The following SLC25A29 variants were observed in gnomAD, a reference collection of about 807,000 sequenced individuals.
The protein encoded by SLC25A29 is solute carrier family 25 member 29, also known as mitochondrial basic amino acids transporter.
Under a neutral mutation model 10.0 loss-of-function variants are expected in SLC25A29, and 13 were observed. That is an observed-to-expected ratio of 1.30 (90% CI 0.85 to 2.07). SLC25A29 has a LOEUF of 2.07. Among genes scored for constraint, SLC25A29 ranks in the 30% most tolerant of loss-of-function variants. The pLI is 0.00. For synonymous variants in SLC25A29, 244 were observed against 221.1 expected (o/e 1.10, Z -0.92); for missense variants, 475 against 447.6 (o/e 1.06, Z -0.55).
rs545727501 is a variant in SLC25A29, at chr14:100,304,521, C to G, written c.34+1678G>C. On this transcript the variant is annotated intron_variant, in intron 1 of 3. Transcript: ENST00000359232. ...CAGGCTTACGCTTGTAGAGCCTTAG[C>G]TGGGTGGCCATTATGTGCCTGGGGG... Among the ~76,000 whole-genome samples, 3 of 152,322 alleles carry G rather than the reference C, an allele frequency of 2.0e-5. No individual in the cohort carries two copies. In the South Asian group the frequency reaches 6.2e-4, roughly 32 times the overall value.
intron 1 of SLC25A29, among the ~76,000 whole-genome samples, chr14:100,303,452 C>T (rs568963772): frequency 1.3e-5 from 2 of 152,362 alleles, no homozygotes; most frequent in Admixed American, 6.5e-5. Context: ...GACCCTTACG[C>T]CACTTGCCTC....
chr14:100,278,986 A>G, the SLC25A29 span: 1 of 152,234 alleles, frequency 6.6e-6, no homozygotes, highest in Non-Finnish European at 1.5e-5. Context: ...TCCTTATTAA[A>G]TGCTAGCAAT....
chr14:100,303,792 G>A (rs776964327), intron 1 of SLC25A29, among the ~76,000 whole-genome samples: 6 of 152,298 alleles, frequency 3.9e-5, no homozygotes, highest in Middle Eastern at 3.4e-3. Flanking sequence ...AGGGCTGGGC[G>A]GGGTGGGGAG....
chr14:100,299,220 G>A, intron 1 of SLC25A29: 1 of 1,172,930 alleles, frequency 8.5e-7, no homozygotes, highest in African/African-American at 1.6e-5. Flanking sequence ...ACTATTTCTG[G>A]GATATCCCAT....
rs3825555 is a variant in SLC25A29, at chr14:100,292,709, C to A, written c.486G>T (p.Thr162=). The change falls in exon 4 of 4, where the codon ACG becomes ACT. Residue 162 remains threonine (T), a synonymous_variant. Coordinates refer to ENST00000359232, the MANE Select transcript of SLC25A29 (RefSeq NM_001039355.3). ...RGMVSTLLRE[T]PSFGVYFLTY... is the part of the protein sequence containing the mutation. ...TGAGGAAGTAGACGCCGAAGCTGGGCGTCTCACGCAGCAACGTGGACACCA... is the reference window on the plus strand; with the variant it reads ...TGAGGAAGTAGACGCCGAAGCTGGGAGTCTCACGCAGCAACGTGGACACCA... The A allele has an allele frequency of 0.56, 892,097 of 1,600,324 alleles. 251,760 individuals carry two copies. Among genetic ancestry groups the A allele is most frequent in the East Asian group, 0.74 (32,671 of 44,280 alleles).
At chr14:100,289,550 T>C (rs1264941802), downstream of SLC25A29, among the ~76,000 whole-genome samples, 1 of 152,068 alleles carries the variant, frequency 6.6e-6, no homozygotes, top group Non-Finnish European at 1.5e-5. Context: ...TCCAAATCAA[T>C]TGAAATCAGA....
chr14:100,295,710 G>A (rs1892096555), intron 2 of SLC25A29: 1 of 1,289,520 alleles, frequency 7.8e-7, no homozygotes, highest in Non-Finnish European at 1.0e-6. Context: ...AGCTCAGAAA[G>A]TAAAGGCGGT....
At chr14:100,280,200 G>T in the SLC25A29 span, 1 of 152,136 alleles carries the variant, frequency 6.6e-6, no homozygotes, top group Non-Finnish European at 1.5e-5. Context: ...TCTGCTTGTG[G>T]TTAGAATTTA....
In SLC25A29 at chr14:100,293,017, T is replaced by C. The variant is rs777594956; in HGVS notation, c.178A>G (p.Lys60Glu). 7 of 1,561,952 alleles carry C rather than the reference T, an allele frequency of 4.5e-6. No homozygotes were observed. The highest frequency in any genetic ancestry group is 3.5e-6 in the Non-Finnish European group (4 of 1,155,742). The change falls in exon 4 of 4, where the codon AAG (lysine) becomes GAG (glutamate). Residue 60 changes from lysine to glutamate, a missense_variant. Coordinates refer to ENST00000359232, the MANE Select transcript of SLC25A29 (RefSeq NM_001039355.3). Reference protein sequence around the residue: ...IKQESVLGLYKGLGSPLMGLT... With the variant: ...IKQESVLGLYEGLGSPLMGLT... ...CCCATGAGCGGCGAGCCCAGGCCCT[T>C]GTACAGGCCCAGCACCTGCGGGGAC... is the stretch of plus-strand genomic sequence containing the variant.
intron 2 of SLC25A29, 119 bp from the exon 3 acceptor site, chr14:100,293,496 C>T: frequency 2.6e-6 from 2 of 781,712 alleles, no homozygotes; most frequent in Non-Finnish European, 4.2e-6. Context: ...CAGGCACAGT[C>T]TAAGACTTTT....
Position 100,293,004 on chromosome 14 carries a change from G to A in SLC25A29, c.191C>T (p.Ser64Leu), listed in dbSNP as rs1312318289. 40 of 1,580,068 alleles carry A rather than the reference G, an allele frequency of 2.5e-5. No homozygotes were observed. The highest frequency in any genetic ancestry group is 3.3e-5 in the Non-Finnish European group (38 of 1,164,382). ...GATGAAGGTGAGCCCCATGAGCGGCGAGCCCAGGCCCTTGTACAGGCCCAG... is the reference window on the plus strand; with the variant it reads ...GATGAAGGTGAGCCCCATGAGCGGCAAGCCCAGGCCCTTGTACAGGCCCAG... ...SVLGLYKGLG[S>L]PLMGLTFINA... Residue 64 changes from serine (S) to leucine (L), a missense_variant, in exon 4 of 4, where the codon TCG (serine) becomes TTG (leucine). Physicochemically the swap from Ser to Leu is moderately radical, Grantham distance 145 (BLOSUM62 -2). Transcript: ENST00000359232.
At chr14:100,302,626 A>C (rs1222080579) in intron 1 of SLC25A29, among the ~76,000 whole-genome samples, 1 of 152,124 alleles carries the variant, frequency 6.6e-6, no homozygotes, top group Non-Finnish European at 1.5e-5. Flanking sequence ...AAGTGCTGGG[A>C]TTACAGGTGT....
In SLC25A29 at chr14:100,293,003, CG is replaced by C. The variant is rs1198946414; in HGVS notation, c.191del (p.Ser64CysfsTer283). 56 of 1,579,430 alleles carry C rather than the reference CG, an allele frequency of 3.5e-5. No homozygotes were observed. The highest frequency in any genetic ancestry group is 4.4e-5 in the Non-Finnish European group (51 of 1,164,084). On this transcript the variant is annotated frameshift_variant, in exon 4 of 4. Transcript: ENST00000359232. LOFTEE classifies it low-confidence loss of function (END_TRUNC). ...SVLGLYKGLGSPLMGLTFINA... is the reference protein window; with the variant it reads ...SVLGLYKGLGXPLMGLTFINA... The stretch of plus-strand genomic sequence containing the variant: ...TGATGAAGGTGAGCCCCATGAGCGG[CG>C]AGCCCAGGCCCTTGTACAGGCCCAG...
chr14:100,279,252 C>T, the SLC25A29 span: 2 of 152,162 alleles, frequency 1.3e-5, no homozygotes, highest in Non-Finnish European at 2.9e-5. Context: ...TTTGTGTATG[C>T]TTGACTGCAA....
At position 100,293,374 on chromosome 14, in the gene SLC25A29, G is replaced by C. The variant is rs1021203855; in HGVS notation, c.82C>G (p.Arg28Gly). 4.3e-6 allele frequency: 7 copies of C among 1,612,604 alleles called. No homozygotes were observed. The highest frequency in any genetic ancestry group is 5.9e-6 in the Non-Finnish European group (7 of 1,179,678). The change falls in exon 3 of 4, where the codon CGG becomes GGG. Residue 28 changes from arginine (R) to glycine (G), a missense_variant. Coordinates refer to ENST00000359232, the MANE Select transcript of SLC25A29 (RefSeq NM_001039355.3). ...TTCTCCACGCTCTGGACCTGAAGCC[G>C]TACCTGGAAGGAGAGGGTCCAGTGA... ...VGHPFDTVKV[R>G]LQVQSVEKPQ...
chr14:100,293,217 T>C, intron 3 of SLC25A29, 77 bp downstream of exon 3: 1 of 1,536,560 alleles, frequency 6.5e-7, no homozygotes, highest in Non-Finnish European at 8.9e-7. Flanking sequence ...CCTGGCTCTC[T>C]GGTCTGGGGT....
intron 1 of SLC25A29, chr14:100,305,920 G>A: frequency 2.8e-6 from 1 of 363,294 alleles, no homozygotes; most frequent in Non-Finnish European, 4.9e-6. Flanking sequence ...CATCCTCCCG[G>A]CAGTCCTGGC....
At chr14:100,289,287 C>A (rs2139644188), downstream of SLC25A29, among the ~76,000 whole-genome samples, 1 of 152,314 alleles carries the variant, frequency 6.6e-6, no homozygotes, top group East Asian at 1.9e-4. Context: ...TCCAGGATCA[C>A]TGTCAAGGGA....
Position 100,306,199 on chromosome 14 carries a change from C to G in SLC25A29, c.34G>C (p.Gly12Arg). The G allele has an allele frequency of 1.3e-6, 2 of 1,507,354 alleles. No individual in the cohort carries two copies. Among genetic ancestry groups the G allele is most frequent in the Non-Finnish European group, 1.8e-6 (2 of 1,135,586 alleles). 93.4% of individuals were successfully genotyped at this position (1,507,354 alleles called of 1,614,324 possible). A position where few individuals can be genotyped will look rare whatever the true frequency, so the allele number is the denominator to read the frequency against. Residue 12 changes from glycine (G) to arginine (R), a missense_variant and splice_region_variant, in exon 1 of 4, where the codon GGT (glycine) becomes CGT (arginine). Transcript: ENST00000359232. The stretch of plus-strand genomic sequence containing the variant: ...CCGGCCCGGCCCGCCGCCTCCTTAC[C>G]CCCCGCGCATCCAGCCAAGAAGTCC... ...ALDFLAGCAG[G>R]VAGVLVGHPF...
Sources: allele counts gnomAD v4.1 joint callset (sites outside exome capture counted in the v4.1 genomes callset), GRCh38; gene constraint gnomAD v4.1.1; transcripts MANE v1.5; gene names NCBI Gene and HGNC (gene_info 2026-07-23, HGNC 2026-07-21).